Variants in DNAH8 observed in about 807,000 individuals in gnomAD.
DNAH8 encodes the protein axonemal beta dynein heavy chain 8.
A neutral mutation model predicts 562.1 loss-of-function variants in DNAH8; 382 were observed. The ratio of observed to expected loss-of-function variants is 0.68; its 90% CI spans 0.63 to 0.74. DNAH8 has a LOEUF of 0.74. Ranked by LOEUF, DNAH8 falls within the 30% of genes least tolerant of loss-of-function variation. The pLI is 0.00. For missense variants in DNAH8, 5,203 were observed against 5,620.4 expected (o/e 0.93, Z 2.37); for synonymous variants, 1,881 against 1,919.4 (o/e 0.98, Z 0.52).
At chr6:39,027,477 A>G (rs1767372799) in intron 92 of DNAH8, among the ~76,000 whole-genome samples, 1 of 152,212 alleles carries the variant, frequency 6.6e-6, no homozygotes, top group African/African-American at 2.4e-5. Context: ...AAATTCTTTA[A>G]CTTTTTTGAG....
chr6:39,003,198 C>T (rs1765594661), intron 88 of DNAH8, among the ~76,000 whole-genome samples: 1 of 152,110 alleles, frequency 6.6e-6, no homozygotes, highest in African/African-American at 2.4e-5. Flanking sequence ...GGAACTGACA[C>T]CAGGGAAGGA....
chr6:39,002,752 T>G (rs2150754005), intron 88 of DNAH8, among the ~76,000 whole-genome samples: 1 of 152,340 alleles, frequency 6.6e-6, no homozygotes, highest in Admixed American at 6.5e-5. Context: ...TTTACTTCAT[T>G]GATCCTTACT....
chr6:38,846,273 G>A (rs1775295708), intron 36 of DNAH8, among the ~76,000 whole-genome samples: 1 of 152,136 alleles, frequency 6.6e-6, no homozygotes, highest in African/African-American at 2.4e-5. Context: ...GACCATTATG[G>A]CCTGAATGAG....
At chr6:39,024,271 A>G (rs1330494108) in intron 91 of DNAH8, among the ~76,000 whole-genome samples, 1 of 152,252 alleles carries the variant, frequency 6.6e-6, no homozygotes, top group African/African-American at 2.4e-5. Context: ...TGCCTTGTAC[A>G]TTATGACCTT....
Position 39,022,814 on chromosome 6 carries a change from AC to A in DNAH8, c.13715-3727del, listed in dbSNP as rs2150793009. 1.3e-5 allele frequency among the ~76,000 whole-genome samples: 2 copies of A among 152,168 alleles called. 1 individual carries two copies. Among genetic ancestry groups the A allele is most frequent in the South Asian group, 4.1e-4 (2 of 4,822 alleles). On this transcript the variant is annotated intron_variant, in intron 91 of 92. Coordinates refer to ENST00000327475, the MANE Select transcript of DNAH8 (RefSeq NM_001206927.2). The stretch of plus-strand genomic sequence containing the variant: ...GTGCTGGTGTAGTGGGCAGCTGCCT[AC>A]CCCCATCCCACCCTGCACTGTGGGC...
chr6:38,950,808 G>A (rs2150633546), intron 81 of DNAH8, among the ~76,000 whole-genome samples: 1 of 151,696 alleles, frequency 6.6e-6, no homozygotes, highest in East Asian at 1.9e-4. Flanking sequence ...TTAGATCTAT[G>A]TCAAATAGTG....
At chr6:38,863,538 C>G (rs1396160199) in intron 44 of DNAH8, among the ~76,000 whole-genome samples, 1 of 152,174 alleles carries the variant, frequency 6.6e-6, no homozygotes, top group African/African-American at 2.4e-5. Flanking sequence ...AAACAACCAT[C>G]CCCAAACAAC....
chr6:38,978,131 A>G (rs1434812457), intron 85 of DNAH8, among the ~76,000 whole-genome samples: 1 of 152,204 alleles, frequency 6.6e-6, no homozygotes, highest in East Asian at 1.9e-4. Context: ...AACAGCTTAT[A>G]TATAACTCTG....
rs67399046 is a variant in DNAH8, at chr6:38,960,419, CAA to C, written c.12451+8912_12451+8913del. On this transcript the variant is annotated intron_variant, in intron 82 of 92. Transcript: ENST00000327475. ...ATAAGTAACACAAACAACTCAATAG[CAA>C]AAAAAAAAAAAATAATAATCTGATT... 5.7e-3 allele frequency among the ~76,000 whole-genome samples: 828 copies of C among 146,086 alleles called. 6 individuals are homozygous for C. Among genetic ancestry groups the C allele is most frequent in the Middle Eastern group, 0.021 (6 of 282 alleles).
chr6:38,767,745 G>A (rs536992438), intron 11 of DNAH8, among the ~76,000 whole-genome samples: 38 of 152,270 alleles, frequency 2.5e-4, no homozygotes, highest in African/African-American at 8.4e-4. Flanking sequence ...TGTGAATAAT[G>A]CGGCTATGAA....
chr6:38,833,047 G>T (rs1773979128), intron 31 of DNAH8, among the ~76,000 whole-genome samples: 1 of 152,034 alleles, frequency 6.6e-6, no homozygotes, highest in South Asian at 2.1e-4. Context: ...AACCAAAAAG[G>T]TCCCTAAGAA....
At chr6:38,960,901 C>T (rs937507110) in intron 82 of DNAH8, among the ~76,000 whole-genome samples, 1 of 151,884 alleles carries the variant, frequency 6.6e-6, no homozygotes, top group Admixed American at 6.6e-5. Context: ...TACTGCAGCA[C>T]TATTCATAAA....
intron 21 of DNAH8, among the ~76,000 whole-genome samples, chr6:38,797,026 G>A (rs1299330987): frequency 1.3e-5 from 2 of 152,198 alleles, no homozygotes; most frequent in African/African-American, 4.8e-5. Context: ...CAATGGAATA[G>A]AAAATCAAGG....
chr6:38,937,187 C>T (rs1783042017), intron 77 of DNAH8, among the ~76,000 whole-genome samples: 1 of 149,324 alleles, frequency 6.7e-6, no homozygotes, highest in African/African-American at 2.4e-5. Context: ...GGGAACATCA[C>T]ACACTGGGGC....
Position 38,886,867 on chromosome 6 carries a change from C to T in DNAH8, c.8336C>T (p.Thr2779Ile). 1 of 1,614,048 alleles carries T rather than the reference C, an allele frequency of 6.2e-7. No homozygotes were observed. Among genetic ancestry groups the T allele is most frequent in the East Asian group, 2.2e-5 (1 of 44,844 alleles). ...YSLDKPGDFT[T>I]IVDVQLIAAM... ...TTGGACAAGCCTGGAGACTTCACTA[C>T]TATTGTTGATGTGCAGCTCATAGCA... is the stretch of plus-strand genomic sequence containing the variant. The change falls in exon 57 of 93, where the codon ACT (threonine) becomes ATT (isoleucine). Residue 2779 changes from threonine (T) to isoleucine (I), a missense_variant. By Grantham distance (89) the Thr-to-Ile change is moderately conservative. Around this residue, in one of 6 missense-constraint regions of DNAH8, gnomAD observed 977 missense variants for 1,061.8 expected, o/e 0.92. Transcript: ENST00000327475.
chr6:38,720,195 A>G (rs1582815857), intron 1 of DNAH8, among the ~76,000 whole-genome samples: 1 of 152,162 alleles, frequency 6.6e-6, no homozygotes, highest in African/African-American at 2.4e-5. Context: ...TCATGGCAGG[A>G]GACCTGTTCT....
chr6:38,841,635 A>ATT (rs1562961666), intron 33 of DNAH8, among the ~76,000 whole-genome samples: 1 of 152,168 alleles, frequency 6.6e-6, no homozygotes, highest in Admixed American at 6.5e-5. Flanking sequence ...TGAGTGGTCA[A>ATT]TTTGGTGTTT....
intron 36 of DNAH8, among the ~76,000 whole-genome samples, chr6:38,846,145 T>G (rs1406344434): frequency 1.3e-5 from 2 of 152,088 alleles, no homozygotes; most frequent in Non-Finnish European, 2.9e-5. Context: ...ATTCACCCAA[T>G]GGCCCGGGAA....
chr6:38,986,783 C>T (rs773638128), intron 87 of DNAH8, among the ~76,000 whole-genome samples: 77 of 152,268 alleles, frequency 5.1e-4, no homozygotes, highest in Non-Finnish European at 1.0e-3. Flanking sequence ...CCACTGGACA[C>T]AGAATGGGGC....
Sources: gnomAD v4.1 joint callset for allele counts (sites outside exome capture counted in the v4.1 genomes callset) on GRCh38, gnomAD v4.1.1 for gene constraint, gnomAD v4.1.1 regional missense constraint, MANE v1.5 for transcripts, NCBI Gene and HGNC (gene_info 2026-07-23, HGNC 2026-07-21) for gene names.